RARA: variants seen among roughly 807,000 people sequenced by gnomAD.
RARA encodes the protein PML-DDX5-RARA fusion.
A neutral mutation model predicts 42.8 loss-of-function variants in RARA; 5 were observed. That is an observed-to-expected ratio of 0.12 (90% CI 0.06 to 0.25). The LOEUF is 0.25. RARA is among the 10% of genes least tolerant of loss of function. The probability of loss-of-function intolerance (pLI) is 1.00; values close to 1 mark genes in which losing one functional copy is unlikely to be tolerated. For synonymous variants in RARA, 256 were observed against 259.5 expected (o/e 0.99, Z 0.13); for missense variants, 402 against 628.7 (o/e 0.64, Z 3.86).
At chr17:40,347,224 C>T (rs2034295536) in intron 2 of RARA, among the ~76,000 whole-genome samples, 1 of 152,266 alleles carries the variant, frequency 6.6e-6, no homozygotes, top group African/African-American at 2.4e-5. Flanking sequence ...AGGGATCTGT[C>T]TACCTAGGGA....
In RARA at chr17:40,343,509, C is replaced by T. The variant is rs74814495; in HGVS notation, c.179-4807C>T. ...CCTTATGGGGTTGTTGTCCTGGCCCCAGACACTTGGCTGTCATCTTTGAGG... is the reference window on the plus strand; with the variant it reads ...CCTTATGGGGTTGTTGTCCTGGCCCTAGACACTTGGCTGTCATCTTTGAGG... On this transcript the variant is annotated intron_variant, in intron 2 of 8. Coordinates refer to ENST00000254066, the MANE Select transcript of RARA (RefSeq NM_000964.4). 9.2e-3 allele frequency among the ~76,000 whole-genome samples: 1,395 copies of T among 152,322 alleles called. 3 individuals carry two copies. The highest frequency in any genetic ancestry group is 0.014 in the Non-Finnish European group (939 of 68,024).
In RARA at chr17:40,351,131, C is replaced by T. The variant is rs2034429917; in HGVS notation, c.470-779C>T. On this transcript the variant is annotated intron_variant, in intron 4 of 8. Transcript: ENST00000254066. The surrounding 1 kb of genome is among the most constrained non-coding windows in gnomAD (Gnocchi z 4.1). The stretch of plus-strand genomic sequence containing the variant: ...TCTTCCCAAATTATCCCCCCACTCT[C>T]CCTCTCCCTCTCCCTTCTCTCCCCT... Among the ~76,000 whole-genome samples, 1 of 148,738 alleles carries T rather than the reference C, an allele frequency of 6.7e-6. No individual in the cohort carries two copies. The highest frequency in any genetic ancestry group is 1.5e-5 in the Non-Finnish European group (1 of 65,578).
At position 40,352,741 on chromosome 17, in the gene RARA, T is replaced by C. The variant is rs938139433; in HGVS notation, c.807+234T>C. Among the ~76,000 whole-genome samples, 45 of 152,230 alleles carry C rather than the reference T, an allele frequency of 3.0e-4. No individual in the cohort carries two copies. Among genetic ancestry groups the C allele is most frequent in the Non-Finnish European group, 4.7e-4 (32 of 68,006 alleles). ...GCTCACCTGTTCACCCATACACATA[T>C]CCAGCCACCCAGCCATCCATCCATT... is the stretch of plus-strand genomic sequence containing the variant. On this transcript the variant is annotated intron_variant, in intron 6 of 8. Coordinates refer to ENST00000254066, the MANE Select transcript of RARA (RefSeq NM_000964.4). The surrounding 1 kb of genome is among the most constrained non-coding windows in gnomAD (Gnocchi z 4.9).
chr17:40,342,608 C>CT, intron 2 of RARA: 1 of 1,468,256 alleles, frequency 6.8e-7, no homozygotes, highest in Non-Finnish European at 9.0e-7. Flanking sequence ...GACGTCTCCT[C>CT]TCCCCCAGCT....
intron 1 of RARA, among the ~76,000 whole-genome samples, chr17:40,313,678 C>A (rs980225204): frequency 4.6e-5 from 7 of 152,114 alleles, no homozygotes. Context: ...TCTCCCCTAC[C>A]CTGCCTCATG....
At chr17:40,353,082 G>A (rs1200289170) in intron 6 of RARA, among the ~76,000 whole-genome samples, 1 of 152,164 alleles carries the variant, frequency 6.6e-6, no homozygotes, top group African/African-American at 2.4e-5. Context: ...CCTGGAGATT[G>A]GGGGAGGGCT....
chr17:40,338,016 T>C (rs564165479), intron 2 of RARA, among the ~76,000 whole-genome samples: 1 of 152,356 alleles, frequency 6.6e-6, no homozygotes, highest in Non-Finnish European at 1.5e-5. Context: ...ATGGAGTTTT[T>C]AATGAAAATG....
At chr17:40,335,915 A>G (rs1489657416) in intron 2 of RARA, among the ~76,000 whole-genome samples, 1 of 151,704 alleles carries the variant, frequency 6.6e-6, no homozygotes, top group African/African-American at 2.4e-5. Flanking sequence ...AGGTGGGAGG[A>G]TTGCATGAGC....
chr17:40,332,524 G>A (rs1322033080), intron 2 of RARA, among the ~76,000 whole-genome samples: 2 of 152,178 alleles, frequency 1.3e-5, no homozygotes, highest in Admixed American at 1.3e-4. Flanking sequence ...CCCGGAGCCA[G>A]GGAGTCTCTT....
chr17:40,341,110 C>T (rs902746020), intron 2 of RARA: 2 of 405,684 alleles, frequency 4.9e-6, no homozygotes, highest in African/African-American at 4.1e-5. Flanking sequence ...TCCCCTCTTT[C>T]TAGGGACCTA....
At chr17:40,333,443 C>G (rs898798429) in intron 2 of RARA, among the ~76,000 whole-genome samples, 1 of 151,658 alleles carries the variant, frequency 6.6e-6, no homozygotes, top group East Asian at 1.9e-4. Flanking sequence ...CCCAGCGATT[C>G]TCATGCCTCA....
At chr17:40,330,457 C>A (rs1003378756) in intron 1 of RARA, among the ~76,000 whole-genome samples, 55 of 152,122 alleles carry the variant, frequency 3.6e-4, no homozygotes, top group Non-Finnish European at 7.4e-5. Flanking sequence ...TTTAGGGAAG[C>A]GGCTTTTCCT....
chr17:40,314,649 G>A (rs1041981333), intron 1 of RARA, among the ~76,000 whole-genome samples: 1 of 152,012 alleles, frequency 6.6e-6, no homozygotes, highest in Non-Finnish European at 1.5e-5. Flanking sequence ...GCCAGGGGGC[G>A]CATGTAACCA....
intron 1 of RARA, among the ~76,000 whole-genome samples, chr17:40,324,580 C>G (rs1033037898): frequency 6.6e-6 from 1 of 152,228 alleles, no homozygotes; most frequent in African/African-American, 2.4e-5. Context: ...GTCACCCTTT[C>G]TGCCTGGTAT....
At chr17:40,313,414 A>C (rs889719694) in intron 1 of RARA, among the ~76,000 whole-genome samples, 9 of 152,098 alleles carry the variant, frequency 5.9e-5, no homozygotes, top group African/African-American at 2.2e-4. Context: ...GAGAAAACTC[A>C]ATGGAGAATT....
chr17:40,315,171 T>TATATATATATAC (rs1247793097), intron 1 of RARA, among the ~76,000 whole-genome samples: 1 of 76,580 alleles, frequency 1.3e-5, no homozygotes, highest in Non-Finnish European at 2.5e-5. Context: ...TATATATATA[T>TATATATATATAC]ACACACACAC....
Position 40,348,395 on chromosome 17 carries a change from G to A in RARA, c.258G>A (p.Lys86=), listed in dbSNP as rs749331027. 13 of 1,613,776 alleles carry A rather than the reference G, an allele frequency of 8.1e-6. No homozygotes were observed. The highest frequency in any genetic ancestry group is 1.7e-5 in the Admixed American group (1 of 59,980). ...CACCCCCTCTACCCCGCATCTACAA[G>A]CCTTGCTTTGTCTGTCAGGACAAGT... is the stretch of plus-strand genomic sequence containing the variant. The part of the protein sequence containing the change: ...PSPPPLPRIY[K]PCFVCQDKSS... The change falls in exon 3 of 9, where the codon AAG becomes AAA. Residue 86 remains lysine (K), a synonymous_variant. Coordinates refer to ENST00000254066, the MANE Select transcript of RARA (RefSeq NM_000964.4).
chr17:40,318,694 G>C (rs1352877188), intron 1 of RARA, among the ~76,000 whole-genome samples: 1 of 152,264 alleles, frequency 6.6e-6, no homozygotes, highest in Non-Finnish European at 1.5e-5. Context: ...TCTGCTGCGC[G>C]TGTCCCCCGC....
chr17:40,342,215 G>A, intron 2 of RARA: 1 of 1,054,670 alleles, frequency 9.5e-7, no homozygotes. Context: ...GGCCTGGCGG[G>A]GGCGGAACCG....
Sources: gnomAD v4.1 joint callset for allele counts (sites outside exome capture counted in the v4.1 genomes callset) on GRCh38, gnomAD v4.1.1 for gene constraint, Gnocchi (gnomAD v3.1) non-coding constraint, MANE v1.5 for transcripts, NCBI Gene and HGNC (gene_info 2026-07-23, HGNC 2026-07-21) for gene names.